The following KYNU variants were observed in gnomAD, a reference collection of about 807,000 sequenced individuals.
KYNU encodes the protein L-kynurenine hydrolase.
KYNU carries 54 observed loss-of-function variants against 59.2 expected under a neutral mutation model. That is an observed-to-expected ratio of 0.91 (90% CI 0.73 to 1.14). KYNU has a LOEUF of 1.14. KYNU is among the 50% of genes most tolerant of loss of function. The pLI is 0.00. For missense variants in KYNU, 567 were observed against 554.4 expected (o/e 1.02, Z -0.23); for synonymous variants, 177 against 192.0 (o/e 0.92, Z 0.65).
intron 8 of KYNU, among the ~76,000 whole-genome samples, chr2:142,980,557 G>T (rs553698092): frequency 6.6e-6 from 1 of 152,236 alleles, no homozygotes; most frequent in South Asian, 2.1e-4. Flanking sequence ...GGGGCTCTGT[G>T]AACAAAGGCA....
At chr2:142,936,585 G>C (rs1479392265) in intron 4 of KYNU, among the ~76,000 whole-genome samples, 2 of 152,216 alleles carry the variant, frequency 1.3e-5, no homozygotes, top group Non-Finnish European at 2.9e-5. Context: ...AATGGGATCA[G>C]TTGGCTTAGA....
chr2:142,943,999 G>A (rs540181417), intron 4 of KYNU, among the ~76,000 whole-genome samples: 2 of 152,300 alleles, frequency 1.3e-5, no homozygotes, highest in South Asian at 4.1e-4. Context: ...TCCCCACTTT[G>A]CAAGAGATTT....
intron 8 of KYNU, 83 bp downstream of exon 8, chr2:142,960,853 A>C: frequency 7.4e-7 from 1 of 1,358,434 alleles, no homozygotes; most frequent in Non-Finnish European, 1.0e-6. Flanking sequence ...CTTGTGAAGT[A>C]CTTTAGCTTG....
chr2:142,965,843 A>T (rs1016120582), intron 8 of KYNU, among the ~76,000 whole-genome samples: 2 of 152,060 alleles, frequency 1.3e-5, no homozygotes, highest in Non-Finnish European at 2.9e-5. Context: ...TTCCTCAATT[A>T]TACCCTCATA....
At chr2:143,019,469 T>C (rs1179248287) in intron 10 of KYNU, among the ~76,000 whole-genome samples, 2 of 152,144 alleles carry the variant, frequency 1.3e-5, no homozygotes, top group Admixed American at 1.3e-4. Flanking sequence ...CTCAAGCATG[T>C]TGGATGCAAC....
At chr2:142,886,445 A>G (rs1316094981) in intron 2 of KYNU, among the ~76,000 whole-genome samples, 1 of 152,212 alleles carries the variant, frequency 6.6e-6, no homozygotes, top group Admixed American at 6.5e-5. Flanking sequence ...AACCTATAGA[A>G]TTCTGGAAGA....
At chr2:143,040,268 TA>T in intron 12 of KYNU, among the ~76,000 whole-genome samples, 159 bp from the exon 13 acceptor site, 1 of 152,230 alleles carries the variant, frequency 6.6e-6, no homozygotes, top group Non-Finnish European at 1.5e-5. Flanking sequence ...GCAAAGCATT[TA>T]AAGGAGGGCA....
At position 142,893,105 on chromosome 2, in the gene KYNU, A is replaced by G. The variant is rs528546062; in HGVS notation, c.169+7569A>G. On this transcript the variant is annotated intron_variant, in intron 2 of 13. Coordinates refer to ENST00000264170, the MANE Select transcript of KYNU (RefSeq NM_003937.3). ...ACAATTCTATTTCTGTAAAGGAAAA[A>G]TGAAATGCATGTAGGGTACAACTAG... 1.6e-4 allele frequency among the ~76,000 whole-genome samples: 25 copies of G among 152,366 alleles called. No individual in the cohort carries two copies. In the South Asian group the frequency reaches 5.0e-3, roughly 30 times the overall value.
intron 4 of KYNU, among the ~76,000 whole-genome samples, chr2:142,941,430 G>A (rs1175957684): frequency 6.6e-6 from 1 of 152,104 alleles, no homozygotes; most frequent in Non-Finnish European, 1.5e-5. Flanking sequence ...GATGTGTTTG[G>A]TCCCAAAATA....
intron 4 of KYNU, among the ~76,000 whole-genome samples, chr2:142,935,115 G>A (rs557141341): frequency 2.6e-5 from 4 of 152,304 alleles, no homozygotes; most frequent in South Asian, 4.1e-4. Context: ...TTTGAGGGCC[G>A]TCATCAAGCT....
chr2:142,981,971 T>C (rs1685063597), intron 8 of KYNU, among the ~76,000 whole-genome samples: 2 of 152,092 alleles, frequency 1.3e-5, no homozygotes, highest in South Asian at 4.1e-4. Context: ...CAAATGAGAC[T>C]GGCCGTGATC....
intron 10 of KYNU, among the ~76,000 whole-genome samples, chr2:143,026,200 A>T (rs1686551057): frequency 1.3e-5 from 2 of 152,184 alleles, no homozygotes. Context: ...AAATATTGTG[A>T]TCTCTATTTT....
At chr2:142,895,429 T>G (rs949543315) in intron 2 of KYNU, among the ~76,000 whole-genome samples, 1 of 152,210 alleles carries the variant, frequency 6.6e-6, no homozygotes, top group Non-Finnish European at 1.5e-5. Flanking sequence ...GGAAATGCCT[T>G]TGAGATTAAG....
At chr2:142,935,434 C>T (rs180939908) in intron 4 of KYNU, among the ~76,000 whole-genome samples, 168 of 152,284 alleles carry the variant, frequency 1.1e-3, no homozygotes, top group Non-Finnish European at 1.7e-3. Context: ...ACTGCCTCTG[C>T]GCCAGTAGGC....
intron 2 of KYNU, among the ~76,000 whole-genome samples, chr2:142,904,835 A>G (rs1455706541): frequency 6.6e-6 from 1 of 152,166 alleles, no homozygotes; most frequent in East Asian, 1.9e-4. Flanking sequence ...TGTGCTCACC[A>G]ATGTAGCAGT....
intron 2 of KYNU, among the ~76,000 whole-genome samples, chr2:142,899,403 C>T (rs1359056699): frequency 6.6e-6 from 1 of 152,160 alleles, no homozygotes; most frequent in Admixed American, 6.5e-5. Context: ...GTTACCAGCC[C>T]TGTGTTTAAA....
In KYNU at chr2:142,969,750, A is replaced by T. The variant is rs921376954; in HGVS notation, c.729+8980A>T. On this transcript the variant is annotated intron_variant, in intron 8 of 13. Coordinates refer to ENST00000264170, the MANE Select transcript of KYNU (RefSeq NM_003937.3). ...GCCACCCTTATCAAAGCCATGAGGG[A>T]TATCTATTTCTCCTGAATTAGCCTC... 2.0e-5 allele frequency among the ~76,000 whole-genome samples: 3 copies of T among 152,314 alleles called. No homozygotes were observed. The East Asian group carries it at 5.8e-4, about 29-fold the overall frequency.
chr2:142,892,816 C>T (rs1361112575), intron 2 of KYNU, among the ~76,000 whole-genome samples: 1 of 152,300 alleles, frequency 6.6e-6, no homozygotes, highest in Non-Finnish European at 1.5e-5. Flanking sequence ...TTGTTTATCT[C>T]TTGTTGCCCT....
intron 13 of KYNU, 77 bp from the exon 14 acceptor site, chr2:143,041,968 TAC>T: frequency 6.8e-7 from 1 of 1,462,630 alleles, no homozygotes; most frequent in Non-Finnish European, 9.5e-7. Context: ...GAAAGTGCTT[TAC>T]ATAAGTTTAT....
Sources: gnomAD v4.1 joint callset for allele counts (sites outside exome capture counted in the v4.1 genomes callset) on GRCh38, gnomAD v4.1.1 for gene constraint, MANE v1.5 for transcripts, NCBI Gene and HGNC (gene_info 2026-07-23, HGNC 2026-07-21) for gene names.